TRPC5: variants seen among roughly 807,000 people sequenced by gnomAD.
TRPC5 encodes the protein short transient receptor potential channel 5.
Under a neutral mutation model 56.5 loss-of-function variants are expected in TRPC5, and 9 were observed. That is an observed-to-expected ratio of 0.16 (90% confidence interval 0.10 to 0.28). The LOEUF (loss-of-function observed/expected upper bound fraction) is 0.28. Ranked by LOEUF, TRPC5 falls within the 10% of genes least tolerant of loss-of-function variation. The pLI is 1.00. For synonymous variants in TRPC5, 282 were observed against 278.5 expected (o/e 1.01, Z -0.13); for missense variants, 469 against 748.9 (o/e 0.63, Z 4.36).
chrX:112,011,723 C>T (rs1201254727), intron 1 of TRPC5, among the ~76,000 whole-genome samples: 1 of 110,808 alleles, frequency 9.0e-6, no homozygotes, highest in African/African-American at 3.3e-5. Flanking sequence ...GTGGTGAGTC[C>T]GTTCATTCAC....
In TRPC5 at chrX:111,775,954, CTG is replaced by C. The variant is rs945947007; in HGVS notation, c.*357_*358del. 4.9e-5 allele frequency: 7 copies of C among 144,101 alleles called. No homozygotes were observed. The highest frequency in any genetic ancestry group is 1.9e-4 in the African/African-American group (6 of 31,772). The allele number at this position is 144,101 out of a possible 1,213,427, so 11.9% of individuals were successfully genotyped here. A position where few individuals can be genotyped will look rare whatever the true frequency, so the allele number is the denominator to read the frequency against. On this transcript the variant is annotated 3_prime_UTR_variant, in exon 11 of 11. Coordinates refer to ENST00000262839, the MANE Select transcript of TRPC5 (RefSeq NM_012471.3). ...TGAGATTCTGAGGATGGTCAGGAAT[CTG>C]TGCGGCAACAAGACCAGCAAAGTGG...
At chrX:111,786,925 A>G (rs998044089) in intron 7 of TRPC5, among the ~76,000 whole-genome samples, 2 of 111,598 alleles carry the variant, frequency 1.8e-5, no homozygotes, top group Non-Finnish European at 3.8e-5. Flanking sequence ...GCAAGTCCTT[A>G]GAGACCTACA....
At chrX:112,069,871 G>C (rs1419167976) in intron 1 of TRPC5, among the ~76,000 whole-genome samples, 2 of 111,288 alleles carry the variant, frequency 1.8e-5, no homozygotes, top group Non-Finnish European at 3.8e-5. Flanking sequence ...AAATTAATAG[G>C]GATTTTATGG....
At chrX:111,892,431 C>T (rs765874278) in intron 3 of TRPC5, among the ~76,000 whole-genome samples, 1 of 111,964 alleles carries the variant, frequency 8.9e-6, no homozygotes, top group East Asian at 2.8e-4. Flanking sequence ...TGTCACAATA[C>T]GAGGTGGAGG....
intron 7 of TRPC5, among the ~76,000 whole-genome samples, chrX:111,830,972 CA>C (rs1922390303): frequency 8.9e-6 from 1 of 112,410 alleles, no homozygotes; most frequent in African/African-American, 3.2e-5. Context: ...AACACAATCA[CA>C]AGTGTGGTAT....
At chrX:112,001,033 C>T (rs1177245318) in intron 1 of TRPC5, among the ~76,000 whole-genome samples, 1 of 112,140 alleles carries the variant, frequency 8.9e-6, no homozygotes, top group Non-Finnish European at 1.9e-5. Flanking sequence ...ACTCACTGGC[C>T]CAAATCTTTC....
Position 112,051,938 on chromosome X carries a change from A to G in TRPC5, c.-22+29941T>C, listed in dbSNP as rs147204386. Among the ~76,000 whole-genome samples, 253 of 111,974 alleles carry G rather than the reference A, an allele frequency of 2.3e-3. 2 individuals are homozygous for G. Among genetic ancestry groups the G allele is most frequent in the South Asian group, 0.015 (39 of 2,686 alleles). On this transcript the variant is annotated intron_variant, in intron 1 of 10. Transcript: ENST00000262839. ...TGTCATCAAGGTTCATCCTCATTGC[A>G]GTGTGTGTCAGAATTTCCTTCCTTT...
intron 1 of TRPC5, among the ~76,000 whole-genome samples, chrX:112,016,955 T>G (rs764683095): frequency 8.9e-6 from 1 of 112,321 alleles, no homozygotes; most frequent in Admixed American, 9.4e-5. Context: ...GCTTGGCACA[T>G]TTTAAGTACT....
intron 2 of TRPC5, among the ~76,000 whole-genome samples, chrX:111,914,565 A>C (rs1925918396): frequency 8.9e-6 from 1 of 111,904 alleles, no homozygotes; most frequent in African/African-American, 3.3e-5. Context: ...TGTTTCCTTC[A>C]CTGAGTGCTT....
chrX:111,820,853 G>A (rs183774717), intron 7 of TRPC5, among the ~76,000 whole-genome samples: 2 of 112,252 alleles, frequency 1.8e-5, no homozygotes, highest in African/African-American at 6.5e-5. Flanking sequence ...GTGTATCCTG[G>A]TTAAGGATGG....
At chrX:111,824,221 C>T (rs1462197403) in intron 7 of TRPC5, among the ~76,000 whole-genome samples, 12 of 87,760 alleles carry the variant, frequency 1.4e-4, no homozygotes, top group Non-Finnish European at 2.3e-4. Flanking sequence ...CAGAGCAAGA[C>T]CCTGTCTCAA....
In TRPC5 at chrX:111,842,132, GTA is replaced by G. The variant is rs764298266; in HGVS notation, c.1700+4980_1700+4981del. Reference sequence around the variant, plus strand: ...ATATATATATATTTTATATATATATGTATATATATATATATGTATATTTTAGA... The same window carrying G: ...ATATATATATATTTTATATATATATGTATATATATATATGTATATTTTAGA... On this transcript the variant is annotated intron_variant, in intron 6 of 10. Transcript: ENST00000262839. 2.0e-3 allele frequency among the ~76,000 whole-genome samples: 158 copies of G among 77,154 alleles called. 11 individuals carry two copies. Among genetic ancestry groups the G allele is most frequent in the African/African-American group, 0.015 (126 of 8,637 alleles). The allele number at this position is 77,154 out of a possible 115,157, so 67.0% of individuals were successfully genotyped here. A position where few individuals can be genotyped will look rare whatever the true frequency, so the allele number is the denominator to read the frequency against.
At chrX:111,789,713 T>A (rs756127978) in intron 7 of TRPC5, among the ~76,000 whole-genome samples, 3 of 111,530 alleles carry the variant, frequency 2.7e-5, no homozygotes, top group Non-Finnish European at 3.8e-5. Flanking sequence ...TCAAGCAAAT[T>A]TACAAGAAAA....
intron 1 of TRPC5, among the ~76,000 whole-genome samples, chrX:111,991,455 A>G (rs1603133843): frequency 8.9e-6 from 1 of 112,287 alleles, no homozygotes; most frequent in Non-Finnish European, 1.9e-5. Context: ...ATTTAGACGA[A>G]TGGGGGACAG....
intron 1 of TRPC5, among the ~76,000 whole-genome samples, chrX:112,043,287 G>A (rs997016726): frequency 3.6e-5 from 4 of 111,556 alleles, no homozygotes; most frequent in East Asian, 2.8e-4. Flanking sequence ...GAACATTTTC[G>A]TATAAAAAGT....
At chrX:112,032,464 C>T (rs769084009) in intron 1 of TRPC5, among the ~76,000 whole-genome samples, 23 of 111,998 alleles carry the variant, frequency 2.1e-4, no homozygotes, top group Non-Finnish European at 3.8e-5. Context: ...TATTGAAGAA[C>T]TGTTCACAAT....
chrX:112,012,954 G>A (rs1929029161), intron 1 of TRPC5, among the ~76,000 whole-genome samples: 1 of 111,632 alleles, frequency 9.0e-6, no homozygotes, highest in African/African-American at 3.3e-5. Flanking sequence ...ACAATTGAAA[G>A]CTCTAGTTAT....
chrX:111,997,377 C>T (rs1260915938), intron 1 of TRPC5, among the ~76,000 whole-genome samples: 2 of 111,978 alleles, frequency 1.8e-5, no homozygotes, highest in African/African-American at 6.5e-5. Context: ...TGCTGTTAGT[C>T]TGATGGGCTT....
intron 7 of TRPC5, among the ~76,000 whole-genome samples, chrX:111,799,124 C>A (rs1921218010): frequency 9.2e-6 from 1 of 108,907 alleles, no homozygotes. Flanking sequence ...GAGAAGTGGG[C>A]CCCAGGATTA....
Sources: allele counts gnomAD v4.1 joint callset (sites outside exome capture counted in the v4.1 genomes callset), GRCh38; gene constraint gnomAD v4.1.1; transcripts MANE v1.5; gene names NCBI Gene and HGNC (gene_info 2026-07-23, HGNC 2026-07-21).